TXLNG: variants seen among roughly 807,000 people sequenced by gnomAD.
The protein encoded by TXLNG is gamma-taxilin.
TXLNG carries 5 observed loss-of-function variants against 38.8 expected under a neutral mutation model. The observed-to-expected ratio is 0.13, with a 90% CI of 0.07 to 0.27. The LOEUF (loss-of-function observed/expected upper bound fraction) is 0.27. TXLNG is among the 10% of genes least tolerant of loss of function. TXLNG has a pLI of 1.00. For synonymous variants in TXLNG, 182 were observed against 158.2 expected, an observed-to-expected ratio of 1.15 and a Z score of -1.13; for missense variants, 393 against 398.2, an observed-to-expected ratio of 0.99 and a Z score of 0.11.
At chrX:16,816,684 T>A (rs1038151064) in intron 1 of TXLNG, among the ~76,000 whole-genome samples, 2 of 112,020 alleles carry the variant, frequency 1.8e-5, no homozygotes, top group African/African-American at 6.5e-5. Context: ...AATGTGTTAA[T>A]TTTTTTTAAG....
chrX:16,838,231 A>C (rs1929669099), intron 8 of TXLNG, among the ~76,000 whole-genome samples: 1 of 112,070 alleles, frequency 8.9e-6, no homozygotes, highest in Non-Finnish European at 1.9e-5. Context: ...CCTTGAGATC[A>C]AGCTAAGGAC....
intron 1 of TXLNG, among the ~76,000 whole-genome samples, chrX:16,799,995 A>G (rs989365088): frequency 1.8e-5 from 2 of 108,890 alleles, no homozygotes; most frequent in African/African-American, 6.7e-5. Flanking sequence ...GCTGGAGTGC[A>G]GTGGTATGAT....
intron 9 of TXLNG, among the ~76,000 whole-genome samples, chrX:16,840,753 C>G (rs1207407113): frequency 9.0e-6 from 1 of 110,521 alleles, no homozygotes; most frequent in Non-Finnish European, 1.9e-5. Flanking sequence ...GCCCGGGCGA[C>G]AGAGCGAGAC....
At chrX:16,823,979 G>A (rs1349825895) in intron 3 of TXLNG, among the ~76,000 whole-genome samples, 1 of 111,209 alleles carries the variant, frequency 9.0e-6, no homozygotes, top group East Asian at 2.8e-4. Context: ...TCCGTGTGTT[G>A]GGGGGCACTA....
chrX:16,821,143 T>C (rs1462863969), intron 3 of TXLNG, among the ~76,000 whole-genome samples: 2 of 93,964 alleles, frequency 2.1e-5, no homozygotes, highest in Non-Finnish European at 4.3e-5. Context: ...TTTCTTTCTT[T>C]TTTTTTTTTT....
chrX:16,797,196 A>G (rs1927918344), intron 1 of TXLNG, among the ~76,000 whole-genome samples: 1 of 109,147 alleles, frequency 9.2e-6, no homozygotes, highest in Non-Finnish European at 1.9e-5. Context: ...AGGCAGGAAA[A>G]TCACTTGAAC....
chrX:16,808,022 G>A (rs191524180), intron 1 of TXLNG, among the ~76,000 whole-genome samples: 5 of 112,040 alleles, frequency 4.5e-5, no homozygotes, highest in African/African-American at 1.6e-4. Flanking sequence ...TTCTATGATA[G>A]TTGTTCTTTG....
intron 1 of TXLNG, among the ~76,000 whole-genome samples, chrX:16,816,255 C>T (rs1243982977): frequency 4.5e-5 from 5 of 110,993 alleles, no homozygotes; most frequent in Non-Finnish European, 7.5e-5. Flanking sequence ...CTCAGCCTCC[C>T]AAAGTGCTGG....
chrX:16,793,801 A>G (rs1927784648), intron 1 of TXLNG, among the ~76,000 whole-genome samples: 1 of 109,258 alleles, frequency 9.2e-6, no homozygotes, highest in Non-Finnish European at 1.9e-5. Context: ...GTGTGCCACC[A>G]TGTCTGGCTG....
Position 16,842,886 on chromosome X carries a change from C to A in TXLNG, c.*1120C>A, listed in dbSNP as rs1182680622. Reference sequence around the variant, plus strand: ...CGTGTTCAGTCTGTTTTCTCACCCCCTTCTTAGTTACCATCTCTTTTTTAA... The same window carrying A: ...CGTGTTCAGTCTGTTTTCTCACCCCATTCTTAGTTACCATCTCTTTTTTAA... On this transcript the variant is annotated 3_prime_UTR_variant, in exon 10 of 10. Coordinates refer to ENST00000380122, the MANE Select transcript of TXLNG (RefSeq NM_018360.3). 8.9e-6 allele frequency: 1 copy of A among 112,098 alleles called. No homozygotes were observed. Among genetic ancestry groups the A allele is most frequent in the African/African-American group, 3.2e-5 (1 of 30,817 alleles). The allele number at this position is 112,098 out of a possible 1,213,427, so 9.2% of individuals were successfully genotyped here.
At chrX:16,816,552 G>A (rs1192596168) in intron 1 of TXLNG, among the ~76,000 whole-genome samples, 1 of 112,274 alleles carries the variant, frequency 8.9e-6, no homozygotes, top group Non-Finnish European at 1.9e-5. Flanking sequence ...ATATGGAAGT[G>A]AATTTTTAAA....
chrX:16,809,601 C>T (rs1190805522), intron 1 of TXLNG, among the ~76,000 whole-genome samples: 1 of 110,487 alleles, frequency 9.1e-6, no homozygotes, highest in Non-Finnish European at 1.9e-5. Flanking sequence ...GCCTCAGCCT[C>T]CCAAAGTTCT....
chrX:16,806,382 T>C (rs1029111583), intron 1 of TXLNG, among the ~76,000 whole-genome samples: 13 of 112,695 alleles, frequency 1.2e-4, no homozygotes, highest in African/African-American at 4.2e-4. Flanking sequence ...TGGTTGCACA[T>C]ACACTGTTGT....
At chrX:16,800,583 G>C (rs1178571920) in intron 1 of TXLNG, among the ~76,000 whole-genome samples, 3 of 41,844 alleles carry the variant, frequency 7.2e-5, no homozygotes, top group Non-Finnish European at 8.7e-5. Flanking sequence ...TTTTTTTTTT[G>C]AGATGGAGTC....
intron 1 of TXLNG, among the ~76,000 whole-genome samples, chrX:16,790,144 A>T (rs1927652127): frequency 9.0e-6 from 1 of 111,116 alleles, no homozygotes; most frequent in Admixed American, 9.7e-5. Flanking sequence ...TACTTGTGTT[A>T]AAATTCATGA....
chrX:16,795,321 C>T (rs1927846131), intron 1 of TXLNG, among the ~76,000 whole-genome samples: 1 of 111,614 alleles, frequency 9.0e-6, no homozygotes, highest in Non-Finnish European at 1.9e-5. Context: ...AAGAAATAGC[C>T]ACAGAAGTTA....
intron 4 of TXLNG, among the ~76,000 whole-genome samples, chrX:16,829,278 C>T (rs1164372038): frequency 8.9e-6 from 1 of 111,790 alleles, no homozygotes; most frequent in Non-Finnish European, 1.9e-5. Context: ...GGATCTCTTC[C>T]GACCCATCTA....
At chrX:16,796,845 C>T (rs1360758748) in intron 1 of TXLNG, among the ~76,000 whole-genome samples, 1 of 111,382 alleles carries the variant, frequency 9.0e-6, no homozygotes, top group Non-Finnish European at 1.9e-5. Flanking sequence ...ACCAGGACAG[C>T]AGTTCTCAAA....
chrX:16,809,688 T>G (rs1488459332), intron 1 of TXLNG, among the ~76,000 whole-genome samples: 2 of 111,346 alleles, frequency 1.8e-5, no homozygotes, highest in Non-Finnish European at 3.8e-5. Flanking sequence ...TCTCTGTGTG[T>G]GTATGTACAT....
Sources: allele counts gnomAD v4.1 joint callset (sites outside exome capture counted in the v4.1 genomes callset), GRCh38; gene constraint gnomAD v4.1.1; transcripts MANE v1.5; gene names NCBI Gene and HGNC (gene_info 2026-07-23, HGNC 2026-07-21).